STPG2: variants seen among roughly 807,000 people sequenced by gnomAD.
STPG2 encodes sperm tail PG-rich repeat containing 2, also known as sperm-tail PG-rich repeat-containing protein 2.
In STPG2, 56 loss-of-function variants were observed where a neutral mutation model predicts 54.2. That is an observed-to-expected ratio of 1.03 (90% CI 0.83 to 1.29). The LOEUF is 1.29. Ranked by LOEUF, STPG2 falls within the 50% of genes most tolerant of loss-of-function variation. The probability of loss-of-function intolerance (pLI) is 0.00; values close to 1 mark genes in which losing one functional copy is unlikely to be tolerated. For missense variants in STPG2, 596 were observed against 544.9 expected, an observed-to-expected ratio of 1.09 and a Z score of -0.93; for synonymous variants, 200 against 181.8, an observed-to-expected ratio of 1.10 and a Z score of -0.81.
Position 97,668,171 on chromosome 4 carries a change from G to C in STPG2, c.1320+44528C>G, listed in dbSNP as rs546999854. On this transcript the variant is annotated intron_variant, in intron 10 of 10. Coordinates refer to ENST00000295268, the MANE Select transcript of STPG2 (RefSeq NM_174952.3). ...AGGACTGCACTTAAGAATAAGAAGA[G>C]TGTCAGGTGAAAAAGTGGGTAAGGT... Among the ~76,000 whole-genome samples, 267 of 152,250 alleles carry C rather than the reference G, an allele frequency of 1.8e-3. 2 individuals carry two copies. The highest frequency in any genetic ancestry group is 6.0e-3 in the African/African-American group (249 of 41,556).
Position 97,972,308 on chromosome 4 carries a change from C to T in STPG2, c.905G>A (p.Cys302Tyr), listed in dbSNP as rs768014726. ...RTFFSVQKEA[C>Y]ATPGPADYQE... ...ATAATCAGCAGGTCCAGGGGTAGCA[C>T]AAGCTTCTTTCTGAACCGAGAAGAA... Residue 302 changes from cysteine to tyrosine, a missense_variant, in exon 7 of 11, where the codon TGT becomes TAT. Physicochemically the swap from Cys to Tyr is radical, Grantham distance 194. Coordinates refer to ENST00000295268, the MANE Select transcript of STPG2 (RefSeq NM_174952.3). 27 of 1,603,044 alleles carry T rather than the reference C, an allele frequency of 1.7e-5. No homozygotes were observed. The highest frequency in any genetic ancestry group is 2.3e-5 in the Non-Finnish European group (27 of 1,175,046).
intron 7 of STPG2, among the ~76,000 whole-genome samples, chr4:97,945,976 T>G (rs933461692): frequency 1.1e-4 from 17 of 152,074 alleles, no homozygotes; most frequent in African/African-American, 4.1e-4. Context: ...AGAGGATCCC[T>G]GGAGCCTGGG....
intron 4 of STPG2, among the ~76,000 whole-genome samples, chr4:97,516,986 C>A (rs1218689507): frequency 6.6e-6 from 1 of 151,864 alleles, no homozygotes; most frequent in Non-Finnish European, 1.5e-5. Context: ...CTGCTCACTG[C>A]AACCTCCACC....
At chr4:97,909,617 A>C (rs6813619) in intron 8 of STPG2, among the ~76,000 whole-genome samples, 1 of 151,950 alleles carries the variant, frequency 6.6e-6, no homozygotes, top group African/African-American at 2.4e-5. Flanking sequence ...AAACACCTAC[A>C]TTTTATTCAA....
intron 10 of STPG2, among the ~76,000 whole-genome samples, chr4:97,688,162 C>T (rs181501525): frequency 6.6e-6 from 1 of 151,716 alleles, no homozygotes; most frequent in East Asian, 1.9e-4. Context: ...TGAAAATCTG[C>T]TTTTTTTAAT....
At chr4:97,455,215 G>C (rs867737450) in intron 4 of STPG2, among the ~76,000 whole-genome samples, 23 of 152,242 alleles carry the variant, frequency 1.5e-4, no homozygotes, top group South Asian at 4.1e-4. Context: ...ATACAGGAGT[G>C]GGGCAGGGAA....
chr4:97,767,581 T>G (rs1159681281), intron 9 of STPG2, among the ~76,000 whole-genome samples: 1 of 152,146 alleles, frequency 6.6e-6, no homozygotes, highest in Non-Finnish European at 1.5e-5. Flanking sequence ...TCTGTGCAGT[T>G]TGTTATTCAT....
At position 97,494,113 on chromosome 4, in the gene STPG2, T is replaced by C. The variant is rs182434756; in HGVS notation, c.462+218586A>G. 3.1e-4 allele frequency among the ~76,000 whole-genome samples: 47 copies of C among 151,578 alleles called. 1 individual carries two copies. The East Asian group carries it at 8.8e-3, about 28-fold the overall frequency. Reference sequence around the variant, plus strand: ...AGAGACAAGCTTATCTCAAAGAGATTTGGGGGTATGAATTATGTCAAATGG... The same window carrying C: ...AGAGACAAGCTTATCTCAAAGAGATCTGGGGGTATGAATTATGTCAAATGG... On this transcript the variant is annotated intron_variant, in intron 4 of 4. Coordinates refer to the STPG2 transcript ENST00000522676.
At chr4:98,060,285 A>G (rs1448346883) in intron 5 of STPG2, among the ~76,000 whole-genome samples, 2 of 152,198 alleles carry the variant, frequency 1.3e-5, no homozygotes, top group East Asian at 3.9e-4. Flanking sequence ...AGCCAAACCA[A>G]CAGCCAAATC....
intron 5 of STPG2, among the ~76,000 whole-genome samples, chr4:98,083,785 T>C (rs1380310097): frequency 6.6e-6 from 1 of 152,224 alleles, no homozygotes; most frequent in Admixed American, 6.5e-5. Context: ...AATGAAGATA[T>C]AGAATGTTAA....
At chr4:97,449,747 TTA>T (rs1729317591) in intron 4 of STPG2, among the ~76,000 whole-genome samples, 1 of 152,178 alleles carries the variant, frequency 6.6e-6, no homozygotes, top group Admixed American at 6.5e-5. Flanking sequence ...ATTCTTAGAT[TTA>T]TAGTTTTTCA....
rs189799972 is a variant in STPG2, at chr4:98,010,770, G to A, written c.613-29452C>T. On this transcript the variant is annotated intron_variant, in intron 5 of 10. Transcript: ENST00000295268. ...ATGATTTTTTGCAGTGCTATGCTTC[G>A]AATCCTTTTGCTTTATATTGTGTAC... 1.1e-4 allele frequency among the ~76,000 whole-genome samples: 17 copies of A among 151,936 alleles called. No individual in the cohort carries two copies. The East Asian group carries it at 1.9e-3, about 17-fold the overall frequency.
At chr4:97,524,469 CAACA>C (rs1238124760) in intron 4 of STPG2, among the ~76,000 whole-genome samples, 3 of 151,906 alleles carry the variant, frequency 2.0e-5, no homozygotes, top group Admixed American at 6.6e-5. Flanking sequence ...TTCTTTTTCT[CAACA>C]AACAGACAGC....
At chr4:97,742,591 G>T (rs1725294593) in intron 9 of STPG2, among the ~76,000 whole-genome samples, 1 of 144,686 alleles carries the variant, frequency 6.9e-6, no homozygotes. Flanking sequence ...AATACTATCA[G>T]GTCTTTAAAA....
At chr4:97,623,583 T>A (rs1734066928) in intron 10 of STPG2, among the ~76,000 whole-genome samples, 1 of 152,068 alleles carries the variant, frequency 6.6e-6, no homozygotes. Context: ...TATTAAAAAG[T>A]CAAAAAATAA....
At chr4:97,840,078 G>A (rs991526271) in intron 9 of STPG2, among the ~76,000 whole-genome samples, 2 of 151,344 alleles carry the variant, frequency 1.3e-5, no homozygotes, top group Non-Finnish European at 3.0e-5. Flanking sequence ...TGATAGCTAA[G>A]ACCATCCAAA....
intron 5 of STPG2, among the ~76,000 whole-genome samples, chr4:98,004,460 A>G (rs1735511652): frequency 6.6e-6 from 1 of 152,198 alleles, no homozygotes; most frequent in African/African-American, 2.4e-5. Flanking sequence ...GGGAGTACAG[A>G]TATGTCTTCA....
At position 97,453,680 on chromosome 4, in the gene STPG2, T is replaced by G. The variant is rs997626167; in HGVS notation, c.462+259019A>C. Among the ~76,000 whole-genome samples, 9 of 152,308 alleles carry G rather than the reference T, an allele frequency of 5.9e-5. No homozygotes were observed. In the East Asian group the frequency reaches 1.7e-3, roughly 29 times the overall value. On this transcript the variant is annotated intron_variant, in intron 4 of 4. Transcript: ENST00000522676. ...CCAAATGACTTCCAAGAAAAAATAT[T>G]GACTTCAGGAAGTTGAAAGTTTGCC...
At chr4:98,111,569 T>C (rs1027194861) in intron 3 of STPG2, among the ~76,000 whole-genome samples, 1 of 152,136 alleles carries the variant, frequency 6.6e-6, no homozygotes, top group Admixed American at 6.6e-5. Context: ...CACATTATAA[T>C]ATATAAGCAC....
Sources: allele counts gnomAD v4.1 joint callset (sites outside exome capture counted in the v4.1 genomes callset), GRCh38; gene constraint gnomAD v4.1.1; transcripts MANE v1.5; gene names NCBI Gene and HGNC (gene_info 2026-07-23, HGNC 2026-07-21).